TNS1: variants seen among roughly 807,000 people sequenced by gnomAD.
TNS1 encodes tensin 1, also known as tensin-1.
In TNS1, 62 loss-of-function variants were observed where a neutral mutation model predicts 168.6. The ratio of observed to expected loss-of-function variants is 0.37; its 90% CI spans 0.30 to 0.45. The LOEUF (loss-of-function observed/expected upper bound fraction) is 0.45, where lower values mean the gene tolerates loss of function less well. Among genes scored for constraint, TNS1 ranks in the 20% least tolerant of loss-of-function variants. The pLI is 1.00. For missense variants in TNS1, 2,240 were observed against 2,339.4 expected (o/e 0.96, Z 0.88); for synonymous variants, 934 against 933.2 (o/e 1.00, Z -0.02).
chr2:217,966,010 CCT>C lies in TNS1; in HGVS notation c.186+12753_186+12754del, dbSNP rs149861821. ...CACCAGGACCCCAGGACTTTCCTCT[CCT>C]CTCTCTCTCTCTCCATTCTCCATCT... On this transcript the variant is annotated intron_variant, in intron 3 of 32. Transcript: ENST00000682258. 9.8e-4 allele frequency among the ~76,000 whole-genome samples: 149 copies of C among 151,394 alleles called. 2 individuals are homozygous for C. The highest frequency in any genetic ancestry group is 3.4e-3 in the South Asian group (16 of 4,776).
chr2:218,014,117 C>T (rs183189816), upstream of TNS1, among the ~76,000 whole-genome samples: 1 of 152,376 alleles, frequency 6.6e-6, no homozygotes, highest in Non-Finnish European at 1.5e-5. Context: ...CCCACAGTTT[C>T]CCTGGCTGGT....
intron 32 of TNS1, among the ~76,000 whole-genome samples, chr2:217,806,877 T>G (rs1939223387): frequency 1.3e-5 from 2 of 152,214 alleles, no homozygotes. Context: ...TTGGGGAGCT[T>G]GCAGGCTGGT....
At chr2:217,805,608 A>ACACTAC (rs1938727300) in intron 32 of TNS1, among the ~76,000 whole-genome samples, 2 of 62,932 alleles carry the variant, frequency 3.2e-5, no homozygotes, top group Non-Finnish European at 6.8e-5. Flanking sequence ...CACACCACAC[A>ACACTAC]CACCACACAC....
chr2:217,808,468 TG>T, intron 31 of TNS1, 134 bp downstream of exon 31: 1 of 896,120 alleles, frequency 1.1e-6, no homozygotes, highest in Non-Finnish European at 1.8e-6. Context: ...TACTCACACA[TG>T]GGCAGACCTT....
chr2:218,033,979 GCCTGGCGC>G (rs1958927840), exon 1 of TNS1, among the ~76,000 whole-genome samples: 1 of 152,198 alleles, frequency 6.6e-6, no homozygotes, highest in Non-Finnish European at 1.5e-5. This position sits in a 1 kb window ranked among gnomAD's most constrained non-coding sequence, Gnocchi z 4.3. Context: ...AGCCCATCCG[GCCTGGCGC>G]CCCGGCGGGC....
chr2:217,941,484 AG>A (rs1217721227), intron 3 of TNS1, among the ~76,000 whole-genome samples: 6 of 152,356 alleles, frequency 3.9e-5, no homozygotes, highest in African/African-American at 1.4e-4. Flanking sequence ...GGAGGGGCAC[AG>A]TGCCAGGGCA....
intron 1 of TNS1, among the ~76,000 whole-genome samples, chr2:218,020,325 C>T (rs1248698810): frequency 6.6e-6 from 1 of 152,052 alleles, no homozygotes; most frequent in Non-Finnish European, 1.5e-5. Context: ...AAGGAAAGGG[C>T]CAACTCCTGG....
chr2:217,842,216 A>G (rs1478606264), intron 19 of TNS1: 4 of 669,540 alleles, frequency 6.0e-6, no homozygotes, highest in African/African-American at 1.8e-5. Context: ...TTAATCTGGT[A>G]TGTACACGTC....
At chr2:217,878,155 C>G (rs114704622) in intron 18 of TNS1, among the ~76,000 whole-genome samples, 1 of 152,232 alleles carries the variant, frequency 6.6e-6, no homozygotes, top group Non-Finnish European at 1.5e-5. Context: ...TGAAGTCTTG[C>G]TGAACGCCTG....
intron 3 of TNS1, among the ~76,000 whole-genome samples, chr2:217,961,337 T>C (rs2126003568): frequency 6.6e-6 from 1 of 151,930 alleles, no homozygotes; most frequent in South Asian, 2.1e-4. Flanking sequence ...GTCTGTCTGT[T>C]ACCCTCTTCC....
chr2:217,890,939 G>C (rs1951681319), intron 12 of TNS1, 23 bp downstream of exon 12: 1 of 1,611,430 alleles, frequency 6.2e-7, no homozygotes, highest in African/African-American at 1.3e-5. Flanking sequence ...ACATGCAAGG[G>C]GCTGTGAGCC....
intron 21 of TNS1, among the ~76,000 whole-genome samples, chr2:217,833,315 G>A (rs972606917): frequency 1.3e-5 from 2 of 152,200 alleles, no homozygotes; most frequent in African/African-American, 4.8e-5. Flanking sequence ...GGGCAATTGG[G>A]CCCTTCTGCT....
intron 18 of TNS1, among the ~76,000 whole-genome samples, chr2:217,868,018 C>T (rs553564904): frequency 8.3e-4 from 127 of 152,364 alleles, no homozygotes; most frequent in Non-Finnish European, 1.6e-3. Context: ...AATGGAACCG[C>T]CGCATGGCAG....
chr2:217,853,580 G>C (rs909525388), intron 18 of TNS1, among the ~76,000 whole-genome samples: 1 of 152,054 alleles, frequency 6.6e-6, no homozygotes, highest in Admixed American at 6.5e-5. Context: ...GGGCTGAAAG[G>C]TCCAGTGTCC....
At chr2:217,983,437 G>A (rs1958107832) in intron 2 of TNS1, among the ~76,000 whole-genome samples, 1 of 152,122 alleles carries the variant, frequency 6.6e-6, no homozygotes, top group African/African-American at 2.4e-5. Flanking sequence ...TGCACAGCAG[G>A]GCCCAGTGGT....
intron 7 of TNS1, among the ~76,000 whole-genome samples, chr2:217,899,569 A>G (rs1201477405): frequency 2.6e-5 from 4 of 152,184 alleles, no homozygotes; most frequent in Non-Finnish European, 5.9e-5. Flanking sequence ...CTCGCAAGAC[A>G]AGCTCCTGTG....
At chr2:217,930,934 A>G (rs990650180) in intron 3 of TNS1, among the ~76,000 whole-genome samples, 1 of 152,110 alleles carries the variant, frequency 6.6e-6, no homozygotes, top group Admixed American at 6.5e-5. Context: ...AGTTCCTAGA[A>G]GAGCTGCTCA....
At chr2:218,003,684 C>T (rs1958614632), upstream of TNS1, among the ~76,000 whole-genome samples, 1 of 151,980 alleles carries the variant, frequency 6.6e-6, no homozygotes, top group Non-Finnish European at 1.5e-5. Flanking sequence ...CCTTTCCTGC[C>T]CTTCTGAAAG....
chr2:217,934,327 C>T (rs998277257), intron 3 of TNS1, among the ~76,000 whole-genome samples: 1 of 152,110 alleles, frequency 6.6e-6, no homozygotes, highest in Non-Finnish European at 1.5e-5. Flanking sequence ...CCCTGCTGGC[C>T]GGGACCCCCA....
Sources: allele counts gnomAD v4.1 joint callset (sites outside exome capture counted in the v4.1 genomes callset), GRCh38; gene constraint gnomAD v4.1.1; non-coding constraint Gnocchi (gnomAD v3.1); transcripts MANE v1.5; gene names NCBI Gene and HGNC (gene_info 2026-07-23, HGNC 2026-07-21).